The following DCAF10 variants were observed in gnomAD, a reference collection of about 807,000 sequenced individuals.
The protein encoded by DCAF10 is DDB1 and CUL4 associated factor 10.
Under a neutral mutation model 51.9 loss-of-function variants are expected in DCAF10, and 19 were observed. That is an observed-to-expected ratio of 0.37 (90% CI 0.26 to 0.54). The LOEUF (loss-of-function observed/expected upper bound fraction) is 0.54. Among genes scored for constraint, DCAF10 ranks in the 20% least tolerant of loss-of-function variants. The pLI, the probability that DCAF10 is intolerant of heterozygous loss-of-function variation, is 0.87. For missense variants in DCAF10, 510 were observed against 730.6 expected, an observed-to-expected ratio of 0.70 and a Z score of 3.48; for synonymous variants, 291 against 297.1, an observed-to-expected ratio of 0.98 and a Z score of 0.21.
chr9:37,860,343 C>A (rs1396890645), intron 6 of DCAF10, 150 bp downstream of exon 6: 8 of 994,636 alleles, frequency 8.0e-6, no homozygotes, highest in African/African-American at 1.6e-5. Flanking sequence ...CTGTTTCTGT[C>A]CTCTCTTGCT....
intron 2 of DCAF10, among the ~76,000 whole-genome samples, chr9:37,840,994 A>G (rs1830318744): frequency 6.6e-6 from 1 of 152,200 alleles, no homozygotes; most frequent in South Asian, 2.1e-4. Flanking sequence ...TACCATATAT[A>G]CCATATAACC....
chr9:37,857,989 T>C (rs1345279565), intron 5 of DCAF10, among the ~76,000 whole-genome samples: 1 of 152,218 alleles, frequency 6.6e-6, no homozygotes, highest in Non-Finnish European at 1.5e-5. Context: ...CCATTCATTG[T>C]TTATTCTTCT....
At chr9:37,857,689 A>G (rs1041823122) in intron 5 of DCAF10, among the ~76,000 whole-genome samples, 1 of 152,100 alleles carries the variant, frequency 6.6e-6, no homozygotes, top group African/African-American at 2.4e-5. Flanking sequence ...CTGTATAAAT[A>G]TAAGTCATGA....
intron 1 of DCAF10, among the ~76,000 whole-genome samples, chr9:37,804,041 T>C (rs999529977): frequency 3.3e-5 from 5 of 152,098 alleles, no homozygotes; most frequent in African/African-American, 1.2e-4. Context: ...TAATAAATTA[T>C]AGTATGTCAG....
At chr9:37,822,161 G>C (rs531625679) in intron 2 of DCAF10, among the ~76,000 whole-genome samples, 1 of 152,224 alleles carries the variant, frequency 6.6e-6, no homozygotes, top group East Asian at 1.9e-4. Flanking sequence ...CTTCTACACT[G>C]CTGGTGGGAA....
intron 1 of DCAF10, among the ~76,000 whole-genome samples, chr9:37,816,643 T>G (rs1829542232): frequency 7.3e-6 from 1 of 136,230 alleles, no homozygotes. Context: ...TAATCTCAAT[T>G]AACATCTGCA....
intron 2 of DCAF10, among the ~76,000 whole-genome samples, chr9:37,833,877 G>C (rs755799044): frequency 6.6e-6 from 1 of 151,982 alleles, no homozygotes; most frequent in Non-Finnish European, 1.5e-5. Flanking sequence ...AATTGTTCTA[G>C]GTGCTTTAAT....
chr9:37,822,052 C>G (rs1177148674), intron 2 of DCAF10, among the ~76,000 whole-genome samples: 2 of 152,090 alleles, frequency 1.3e-5, no homozygotes, highest in African/African-American at 4.8e-5. Flanking sequence ...AAATGCAAAT[C>G]AAAACCATAA....
intron 2 of DCAF10, 78 bp from the exon 3 acceptor site, chr9:37,842,011 A>T: frequency 7.2e-7 from 1 of 1,380,176 alleles, no homozygotes; most frequent in Admixed American, 2.2e-5. Context: ...ACTAGGTAAT[A>T]TAGTGACTGT....
At chr9:37,845,145 A>G (rs1365954925) in intron 3 of DCAF10, among the ~76,000 whole-genome samples, 1 of 152,216 alleles carries the variant, frequency 6.6e-6, no homozygotes, top group Non-Finnish European at 1.5e-5. Context: ...AATCATACTG[A>G]AGACAGGTTG....
At chr9:37,838,891 A>G (rs564230381) in intron 2 of DCAF10, among the ~76,000 whole-genome samples, 25 of 152,234 alleles carry the variant, frequency 1.6e-4, no homozygotes, top group African/African-American at 5.8e-4. Context: ...ATTAAAAAGA[A>G]AAAAGGTTTC....
intron 2 of DCAF10, among the ~76,000 whole-genome samples, chr9:37,832,428 A>G (rs1830035876): frequency 6.6e-6 from 1 of 152,098 alleles, no homozygotes; most frequent in Admixed American, 6.5e-5. Flanking sequence ...ATTGCATGCC[A>G]GCCTGGGCAA....
intron 4 of DCAF10, 65 bp from the exon 5 acceptor site, chr9:37,857,176 A>G (rs1216750497): frequency 7.8e-7 from 1 of 1,274,912 alleles, no homozygotes; most frequent in African/African-American, 1.5e-5. Flanking sequence ...GTAGATAATT[A>G]AAAAGTTAAG....
chr9:37,859,931 A>G (rs1656424225), intron 5 of DCAF10, 117 bp from the exon 6 acceptor site: 1 of 1,234,304 alleles, frequency 8.1e-7, no homozygotes, highest in Non-Finnish European at 1.2e-6. Context: ...TGGTAGCATA[A>G]GGGGCAGACT....
chr9:37,851,560 C>T (rs372751525), intron 3 of DCAF10, among the ~76,000 whole-genome samples: 2,081 of 151,346 alleles, frequency 0.014, 21 homozygotes, highest in South Asian at 0.024. Context: ...TTTGGGAGGC[C>T]GAGGCGGGTG....
At chr9:37,835,950 G>A (rs1363192221) in intron 2 of DCAF10, 4 of 995,172 alleles carry the variant, frequency 4.0e-6, no homozygotes, top group Non-Finnish European at 4.8e-6. Flanking sequence ...CACCATTTTT[G>A]GCTATATTGC....
chr9:37,854,616 A>T (rs1830792223), intron 3 of DCAF10, among the ~76,000 whole-genome samples, 164 bp from the exon 4 acceptor site: 1 of 152,160 alleles, frequency 6.6e-6, no homozygotes, highest in Non-Finnish European at 1.5e-5. Flanking sequence ...ACTGTGCAAT[A>T]TTAATACCCT....
In DCAF10 at chr9:37,801,185, C is replaced by T. The variant is rs930104489; in HGVS notation, c.319C>T (p.Arg107Trp). Reference protein sequence around the residue: ...RPGPDCRAKSRGRHGLGAGLG... With the variant: ...RPGPDCRAKSWGRHGLGAGLG... The stretch of plus-strand genomic sequence containing the variant: ...CGGGCCAGACTGCAGGGCCAAGAGC[C>T]GGGGCCGACACGGCCTCGGCGCGGG... Residue 107 changes from arginine (R) to tryptophan (W), a missense_variant, in exon 1 of 7, where the codon CGG becomes TGG. By Grantham distance (101) the Arg-to-Trp change is moderately radical (BLOSUM62 -3). Around this residue, in one of 4 missense-constraint regions of DCAF10, gnomAD observed 251 missense variants for 227.9 expected, o/e 1.10. Coordinates refer to ENST00000377724, the MANE Select transcript of DCAF10 (RefSeq NM_024345.5). This position sits in a 1 kb window ranked among gnomAD's most constrained non-coding sequence, Gnocchi z 5.5. 4 of 1,543,382 alleles carry T rather than the reference C, an allele frequency of 2.6e-6. No individual in the cohort carries two copies. Among genetic ancestry groups the T allele is most frequent in the Non-Finnish European group, 3.5e-6 (4 of 1,146,598 alleles).
chr9:37,822,531 G>A (rs1829737206), intron 2 of DCAF10, among the ~76,000 whole-genome samples: 1 of 150,592 alleles, frequency 6.6e-6, no homozygotes, highest in African/African-American at 2.4e-5. Flanking sequence ...TTTAAGTGAA[G>A]TAACTCAGGA....
Sources: gnomAD v4.1 joint callset for allele counts (sites outside exome capture counted in the v4.1 genomes callset) on GRCh38, gnomAD v4.1.1 for gene constraint, gnomAD v4.1.1 regional missense constraint, Gnocchi (gnomAD v3.1) non-coding constraint, MANE v1.5 for transcripts, NCBI Gene and HGNC (gene_info 2026-07-23, HGNC 2026-07-21) for gene names.